Variants in MYO18B observed in about 807,000 individuals in gnomAD.
The protein encoded by MYO18B is myosin XVIIIB.
In MYO18B, 204 loss-of-function variants were observed where a neutral mutation model predicts 273.0. The ratio of observed to expected loss-of-function variants is 0.75; its 90% CI spans 0.67 to 0.84. The LOEUF is 0.84. Ranked by LOEUF, MYO18B falls within the 40% of genes least tolerant of loss-of-function variation. The pLI, the probability that MYO18B is intolerant of heterozygous loss-of-function variation, is 0.00. For synonymous variants in MYO18B, 1,330 were observed against 1,305.7 expected, an observed-to-expected ratio of 1.02 and a Z score of -0.40; for missense variants, 3,212 against 3,287.6, an observed-to-expected ratio of 0.98 and a Z score of 0.56.
chr22:25,935,785 C>G (rs2092569391), intron 34 of MYO18B, among the ~76,000 whole-genome samples: 1 of 152,154 alleles, frequency 6.6e-6, no homozygotes, highest in South Asian at 2.1e-4. Flanking sequence ...GGGGATCCTG[C>G]CCACAGGTCC....
chr22:26,050,721 A>G, the MYO18B span, among the ~76,000 whole-genome samples: 2 of 152,314 alleles, frequency 1.3e-5, no homozygotes, highest in South Asian at 2.1e-4. Context: ...TGAGGATACT[A>G]AGAGTCCTTA....
intron 12 of MYO18B, among the ~76,000 whole-genome samples, chr22:25,823,253 A>G (rs2089351230): frequency 6.6e-6 from 1 of 152,180 alleles, no homozygotes; most frequent in Admixed American, 6.5e-5. Flanking sequence ...CTTCCCCATG[A>G]TATTTTTAAT....
At chr22:25,898,578 T>A in intron 29 of MYO18B, 117 bp downstream of exon 29, 1 of 1,098,740 alleles carries the variant, frequency 9.1e-7, no homozygotes, top group Non-Finnish European at 1.3e-6. Flanking sequence ...TGTTTTGCTC[T>A]AATCTTCCTC....
At position 25,750,853 on chromosome 22, in the gene MYO18B, A is replaced by G. The variant is rs1422508973; in HGVS notation, c.-110+8560A>G. Among the ~76,000 whole-genome samples, 3 of 152,184 alleles carry G rather than the reference A, an allele frequency of 2.0e-5. No homozygotes were observed. The East Asian group carries it at 5.8e-4, about 29-fold the overall frequency. On this transcript the variant is annotated intron_variant, in intron 1 of 43. Coordinates refer to ENST00000335473, the MANE Select transcript of MYO18B (RefSeq NM_032608.7). ...AGGTGTCCCCACAGGCACGTGAAGG[A>G]TGGCGGAGTCAGAGCCAGGAAGGGG...
chr22:26,012,762 T>C (rs552080798), intron 42 of MYO18B, among the ~76,000 whole-genome samples: 8 of 152,324 alleles, frequency 5.3e-5, no homozygotes, highest in African/African-American at 1.9e-4. Context: ...GGATACATCG[T>C]TGATGGTTCA....
At chr22:25,803,728 G>A (rs2145791032) in intron 12 of MYO18B, among the ~76,000 whole-genome samples, 1 of 152,164 alleles carries the variant, frequency 6.6e-6, no homozygotes, top group Non-Finnish European at 1.5e-5. Context: ...TTCTCTATAG[G>A]GTGAGGAGTG....
At chr22:25,990,248 T>A (rs1601771061) in intron 39 of MYO18B, among the ~76,000 whole-genome samples, 1 of 152,156 alleles carries the variant, frequency 6.6e-6, no homozygotes, top group Non-Finnish European at 1.5e-5. Context: ...CCTCGCTGAC[T>A]TCCATTGGGG....
chr22:25,998,189 C>T (rs1048220147), intron 40 of MYO18B, among the ~76,000 whole-genome samples: 4 of 152,208 alleles, frequency 2.6e-5, no homozygotes, highest in Non-Finnish European at 5.9e-5. Context: ...TAGAGCCCTG[C>T]ATTGTAACTT....
Position 25,771,585 on chromosome 22 carries a change from A to T in MYO18B, c.1692+601A>T, listed in dbSNP as rs3859867. Among the ~76,000 whole-genome samples, 457 of 151,790 alleles carry T rather than the reference A, an allele frequency of 3.0e-3. 2 individuals are homozygous for T. Among genetic ancestry groups the T allele is most frequent in the Non-Finnish European group, 5.4e-3 (366 of 67,960 alleles). On this transcript the variant is annotated intron_variant, in intron 6 of 43. Transcript: ENST00000335473. ...GCCCCTCACAGCCTGCTATCTTAGG[A>T]GTTTTCCTCCTTGCTCATCTGCATT...
At chr22:26,004,949 A>G (rs1765482032) in intron 42 of MYO18B, 94 bp downstream of exon 42, 1 of 1,507,750 alleles carries the variant, frequency 6.6e-7, no homozygotes, top group Non-Finnish European at 9.0e-7. Flanking sequence ...TGTCTCTGGC[A>G]TAGGCAAAAA....
intron 34 of MYO18B, among the ~76,000 whole-genome samples, chr22:25,927,720 T>TGGGG (rs572317900): frequency 6.6e-6 from 1 of 152,168 alleles, no homozygotes; most frequent in Non-Finnish European, 1.5e-5. Flanking sequence ...TTGTGGCTTG[T>TGGGG]GGGGCATCAC....
At chr22:26,045,190 A>C in the MYO18B span, among the ~76,000 whole-genome samples, 1 of 151,812 alleles carries the variant, frequency 6.6e-6, no homozygotes, top group Non-Finnish European at 1.5e-5. Flanking sequence ...ATCTCCATGG[A>C]AACACACCTG....
chr22:25,865,684 G>C (rs985759053), intron 21 of MYO18B, among the ~76,000 whole-genome samples: 77 of 152,288 alleles, frequency 5.1e-4, no homozygotes, highest in African/African-American at 1.7e-3. Flanking sequence ...ACAGTTTATG[G>C]AGTGATAAAA....
At chr22:25,774,801 G>T (rs1601654808) in intron 7 of MYO18B, among the ~76,000 whole-genome samples, 1 of 152,246 alleles carries the variant, frequency 6.6e-6, no homozygotes, top group East Asian at 1.9e-4. Flanking sequence ...CCACCAGGCA[G>T]CTGGGGTCTG....
intron 39 of MYO18B, among the ~76,000 whole-genome samples, chr22:25,983,827 T>A (rs1015165582): frequency 3.3e-5 from 5 of 152,248 alleles, no homozygotes; most frequent in African/African-American, 1.2e-4. Flanking sequence ...TGGGCAGCGC[T>A]ATTGAGGTCT....
the MYO18B span, among the ~76,000 whole-genome samples, chr22:26,051,694 G>A: frequency 6.6e-6 from 1 of 152,106 alleles, no homozygotes; most frequent in South Asian, 2.1e-4. Flanking sequence ...TTCCCCATGG[G>A]TAATCATTCC....
chr22:25,839,661 C>CG (rs1043301546), intron 17 of MYO18B, among the ~76,000 whole-genome samples: 4 of 152,152 alleles, frequency 2.6e-5, no homozygotes, highest in African/African-American at 9.7e-5. Flanking sequence ...AAAGGCCAGT[C>CG]GGACTTGTGA....
At chr22:26,004,951 A>T in intron 42 of MYO18B, 96 bp downstream of exon 42, 4 of 1,493,524 alleles carry the variant, frequency 2.7e-6, no homozygotes, top group Non-Finnish European at 3.6e-6. Flanking sequence ...TCTCTGGCAT[A>T]GGCAAAAACA....
Position 25,903,401 on chromosome 22 carries a change from C to A in MYO18B, c.4948-230C>A, listed in dbSNP as rs545225552. On this transcript the variant is annotated intron_variant, in intron 30 of 43. Transcript: ENST00000335473. ...ATCGAACTCTAGGGACAATTTATTC[C>A]AATCCTACCTCCCACCCCCAACTCC... 2.6e-5 allele frequency among the ~76,000 whole-genome samples: 4 copies of A among 152,270 alleles called. No individual in the cohort carries two copies. In the South Asian group the frequency reaches 8.3e-4, roughly 32 times the overall value.
Sources: allele counts gnomAD v4.1 joint callset (sites outside exome capture counted in the v4.1 genomes callset), GRCh38; gene constraint gnomAD v4.1.1; transcripts MANE v1.5; gene names NCBI Gene and HGNC (gene_info 2026-07-23, HGNC 2026-07-21).